Variants in CAMK4 observed in about 807,000 individuals in gnomAD.
CAMK4 encodes calcium/calmodulin dependent protein kinase IV, also known as calcium/calmodulin-dependent protein kinase type IV.
A neutral mutation model predicts 44.9 loss-of-function variants in CAMK4; 22 were observed. The observed-to-expected ratio is 0.49, with a 90% CI of 0.35 to 0.70. CAMK4 has a LOEUF of 0.70. Among genes scored for constraint, CAMK4 ranks in the 30% least tolerant of loss-of-function variants. The pLI is 0.01. For synonymous variants in CAMK4, 218 were observed against 215.4 expected (o/e 1.01, Z -0.11); for missense variants, 498 against 586.8 (o/e 0.85, Z 1.56).
intron 1 of CAMK4, among the ~76,000 whole-genome samples, chr5:111,336,034 TA>T (rs1477754440): frequency 6.6e-6 from 1 of 151,346 alleles, no homozygotes; most frequent in African/African-American, 2.4e-5. Flanking sequence ...CTGTTAAAAC[TA>T]ATGTAAAAGA....
intron 1 of CAMK4, among the ~76,000 whole-genome samples, chr5:111,312,725 A>C (rs928232415): frequency 1.3e-5 from 2 of 152,140 alleles, no homozygotes; most frequent in African/African-American, 4.8e-5. Flanking sequence ...AAACTCAGAA[A>C]TGTCTCTGAG....
chr5:111,433,703 T>C (rs1753543310), intron 5 of CAMK4, among the ~76,000 whole-genome samples: 1 of 152,114 alleles, frequency 6.6e-6, no homozygotes, highest in Non-Finnish European at 1.5e-5. Context: ...CATTATTAAG[T>C]ACATGAAAGA....
intron 1 of CAMK4, among the ~76,000 whole-genome samples, chr5:111,341,033 A>T (rs548619853): frequency 1.3e-5 from 2 of 150,888 alleles, no homozygotes; most frequent in African/African-American, 4.8e-5. Flanking sequence ...AAGACCCTTT[A>T]CATTTCTGTA....
chr5:111,471,056 T>G (rs186689010), intron 7 of CAMK4, among the ~76,000 whole-genome samples: 30 of 152,332 alleles, frequency 2.0e-4, no homozygotes, highest in African/African-American at 6.5e-4. Flanking sequence ...GTGCCTTGTC[T>G]TCAGAATTAT....
intron 1 of CAMK4, among the ~76,000 whole-genome samples, chr5:111,274,510 T>C (rs1266749516): frequency 6.6e-6 from 1 of 152,192 alleles, no homozygotes; most frequent in African/African-American, 2.4e-5. Context: ...TGATGGACAT[T>C]TGTTTCCAAG....
At position 111,490,499 on chromosome 5, in the gene CAMK4, G is replaced by C. The variant is rs1445585076; in HGVS notation, c.*6033G>C. 1 of 152,266 alleles carries C rather than the reference G, an allele frequency of 6.6e-6. No homozygotes were observed. Among genetic ancestry groups the C allele is most frequent in the East Asian group, 1.9e-4 (1 of 5,188 alleles). 9.4% of individuals were successfully genotyped at this position (152,266 alleles called of 1,614,324 possible). On this transcript the variant is annotated 3_prime_UTR_variant, in exon 11 of 11. Transcript: ENST00000282356. ...TGTAATCTCAGCTACTCAGGAGGCT[G>C]AGGCAGGAGAATCTCTTGAACCCGG... is the stretch of plus-strand genomic sequence containing the variant.
intron 5 of CAMK4, among the ~76,000 whole-genome samples, chr5:111,408,848 A>T (rs1259996772): frequency 1.3e-5 from 2 of 152,212 alleles, no homozygotes; most frequent in East Asian, 3.9e-4. Context: ...CAAGTCTGAA[A>T]TCCAATGGGG....
At chr5:111,472,245 T>C (rs911332730) in intron 7 of CAMK4, among the ~76,000 whole-genome samples, 60 of 152,242 alleles carry the variant, frequency 3.9e-4, no homozygotes, top group African/African-American at 1.3e-3. Flanking sequence ...CCAGCCAGCA[T>C]GGACAGAGAA....
chr5:111,344,489 A>G (rs961328548), intron 2 of CAMK4, among the ~76,000 whole-genome samples: 1 of 151,814 alleles, frequency 6.6e-6, no homozygotes, highest in Non-Finnish European at 1.5e-5. Context: ...ACCACATTTT[A>G]ATATTAGAAA....
chr5:111,388,693 AAGCCCATG>A (rs1337711428), intron 4 of CAMK4, among the ~76,000 whole-genome samples: 1 of 152,204 alleles, frequency 6.6e-6, no homozygotes, highest in African/African-American at 2.4e-5. Context: ...TACCAAGAGA[AAGCCCATG>A]AGTGCAGAGG....
intron 1 of CAMK4, chr5:111,270,217 A>C (rs1387146436): frequency 1.3e-5 from 2 of 152,250 alleles, no homozygotes; most frequent in African/African-American, 4.8e-5. Flanking sequence ...ACTCTGTTAC[A>C]AAAATAAAAG....
At chr5:111,458,738 G>A (rs1159609382) in intron 7 of CAMK4, among the ~76,000 whole-genome samples, 1 of 152,184 alleles carries the variant, frequency 6.6e-6, no homozygotes, top group East Asian at 1.9e-4. Context: ...AAATTTGAGA[G>A]AGGAGAGAGC....
chr5:111,262,180 CAA>C (rs200729378), intron 1 of CAMK4, among the ~76,000 whole-genome samples: 91 of 77,976 alleles, frequency 1.2e-3, no homozygotes, highest in Middle Eastern at 9.8e-3. Flanking sequence ...GCTAAACGGG[CAA>C]AAAAAAAAAA....
intron 5 of CAMK4, among the ~76,000 whole-genome samples, chr5:111,427,963 C>T (rs1387932937): frequency 6.6e-6 from 1 of 152,226 alleles, no homozygotes; most frequent in Non-Finnish European, 1.5e-5. Flanking sequence ...TCAAGTCTGG[C>T]CCAGCACAGT....
At chr5:111,231,409 T>C (rs1744932089) in intron 1 of CAMK4, among the ~76,000 whole-genome samples, 1 of 152,216 alleles carries the variant, frequency 6.6e-6, no homozygotes, top group Admixed American at 6.5e-5. Flanking sequence ...CCCTGGCCTC[T>C]ACCTACTAGC....
At chr5:111,287,883 G>T (rs573704867) in intron 1 of CAMK4, among the ~76,000 whole-genome samples, 35 of 152,242 alleles carry the variant, frequency 2.3e-4, no homozygotes, top group Non-Finnish European at 4.4e-5. Flanking sequence ...CCACCACCCA[G>T]GAAAAGAAAT....
rs540495109 is a variant in CAMK4 at position 111,396,631 on chromosome 5, C to CTTTT, written c.459+1873_459+1876dup. ...ACTTTAATTGCCATTAACTCATATTCTTTTTTTTTTTTTTTTTTTTTTTTT... is the reference window on the plus strand; with the variant it reads ...ACTTTAATTGCCATTAACTCATATTCTTTTTTTTTTTTTTTTTTTTTTTTTTTTT... On this transcript the variant is annotated intron_variant, in intron 5 of 10. Coordinates refer to ENST00000282356, the MANE Select transcript of CAMK4 (RefSeq NM_001744.6). Among the ~76,000 whole-genome samples the CTTTT allele has an allele frequency of 1.9e-3, 91 of 47,016 alleles. 28 individuals carry two copies. The highest frequency in any genetic ancestry group is 7.6e-3 in the African/African-American group (87 of 11,444). The allele number at this position is 47,016 out of a possible 152,430, so 30.8% of individuals were successfully genotyped here. A position where few individuals can be genotyped will look rare whatever the true frequency, so the allele number is the denominator to read the frequency against.
chr5:111,425,381 G>T (rs940505993), intron 5 of CAMK4, among the ~76,000 whole-genome samples: 3 of 152,210 alleles, frequency 2.0e-5, no homozygotes, highest in Non-Finnish European at 4.4e-5. Flanking sequence ...CACAGGTGGT[G>T]CCAGAGCCTA....
chr5:111,230,083 C>T (rs537655864), intron 1 of CAMK4, among the ~76,000 whole-genome samples: 137 of 152,242 alleles, frequency 9.0e-4, no homozygotes, highest in Non-Finnish European at 9.0e-4. Context: ...GTCCTGATGT[C>T]GTAGTGATAT....
Sources: gnomAD v4.1 joint callset for allele counts (sites outside exome capture counted in the v4.1 genomes callset) on GRCh38, gnomAD v4.1.1 for gene constraint, MANE v1.5 for transcripts, NCBI Gene and HGNC (gene_info 2026-07-23, HGNC 2026-07-21) for gene names.